FASTK: variants seen among roughly 807,000 people sequenced by gnomAD.
The protein encoded by FASTK is fas-activated serine/threonine kinase.
Under a neutral mutation model 60.0 loss-of-function variants are expected in FASTK, and 28 were observed. That is an observed-to-expected ratio of 0.47 (90% CI 0.35 to 0.64). The LOEUF (loss-of-function observed/expected upper bound fraction) is 0.64. FASTK is among the 30% of genes least tolerant of loss of function. The pLI is 0.01. For missense variants in FASTK, 595 were observed against 713.8 expected, an observed-to-expected ratio of 0.83 and a Z score of 1.90; for synonymous variants, 325 against 307.9, an observed-to-expected ratio of 1.06 and a Z score of -0.58.
intron 2 of FASTK, 128 bp downstream of exon 2, chr7:151,079,372 G>C: frequency 2.2e-6 from 2 of 897,768 alleles, no homozygotes; most frequent in Non-Finnish European, 3.3e-6. Flanking sequence ...GACATAGGAC[G>C]GGAGCAGGAG....
At chr7:151,080,247 G>A in intron 1 of FASTK, 1 of 379,788 alleles carries the variant, frequency 2.6e-6, no homozygotes, top group Non-Finnish European at 4.7e-6. Context: ...CCAGAGCAGC[G>A]AAGGGGTTAA....
rs1021826533 is a variant in FASTK, at chr7:151,079,169, T to C, written c.506-148A>G. On this transcript the variant is annotated intron_variant, in intron 2 of 9. Coordinates refer to ENST00000297532, the MANE Select transcript of FASTK (RefSeq NM_006712.5). ...AGTTTAAGTGCAAACACTAGAGACATGTAAAGTATCATGTGGCTATGAGGT... is the reference window on the plus strand; with the variant it reads ...AGTTTAAGTGCAAACACTAGAGACACGTAAAGTATCATGTGGCTATGAGGT... 24 of 690,228 alleles carry C rather than the reference T, an allele frequency of 3.5e-5. No homozygotes were observed. In the East Asian group the frequency reaches 5.5e-4, roughly 16 times the overall value. 42.8% of individuals were successfully genotyped at this position (690,228 alleles called of 1,614,324 possible).
At chr7:151,079,341 C>T in intron 2 of FASTK, 159 bp downstream of exon 2, 1 of 732,318 alleles carries the variant, frequency 1.4e-6, no homozygotes, top group Non-Finnish European at 2.2e-6. Context: ...GGAGTGCGTT[C>T]GACTCATGAT....
Position 151,079,911 on chromosome 7 carries a change from G to A in FASTK, c.94C>T (p.Pro32Ser). The A allele has an allele frequency of 6.3e-7, 1 of 1,588,754 alleles. No homozygotes were observed. Among genetic ancestry groups the A allele is most frequent in the South Asian group, 1.1e-5 (1 of 88,824 alleles). ...AGCAGGACTCGAAGCATGGAGTTGGGTGATGGAGACCCTGAGGGGCAGCCC... is the reference window on the plus strand; with the variant it reads ...AGCAGGACTCGAAGCATGGAGTTGGATGATGGAGACCCTGAGGGGCAGCCC... Reference protein sequence around the residue: ...AGPGESWSPSPNSMLRVLLSA... With the variant: ...AGPGESWSPSSNSMLRVLLSA... The change falls in exon 2 of 10, where the codon CCC (proline) becomes TCC (serine). Residue 32 changes from proline to serine, a missense_variant. Transcript: ENST00000297532.
chr7:151,077,023 C>A lies in FASTK; in HGVS notation c.1432G>T (p.Val478Leu). The A allele has an allele frequency of 6.2e-7, 1 of 1,612,758 alleles. No individual in the cohort carries two copies. Among genetic ancestry groups the A allele is most frequent in the South Asian group, 1.1e-5 (1 of 91,040 alleles). Residue 478 changes from valine to leucine, a missense_variant, in exon 9 of 10, where the codon GTG becomes TTG. Val to Leu is a conservative substitution (Grantham distance 32). Coordinates refer to ENST00000297532, the MANE Select transcript of FASTK (RefSeq NM_006712.5). Reference sequence around the variant, plus strand: ...TGCCAGCGTTCCCGCAACACCAGCACCACCCTGCAGGGGGAGGGACGTGGC... The same window carrying A: ...TGCCAGCGTTCCCGCAACACCAGCAACACCCTGCAGGGGGAGGGACGTGGC... ...ATTRDPAQRV[V>L]LVLRERWHFC...
chr7:151,076,669 A>G lies in FASTK; in HGVS notation c.*56T>C. 1 of 1,151,592 alleles carries G rather than the reference A, an allele frequency of 8.7e-7. No individual in the cohort carries two copies. The highest frequency in any genetic ancestry group is 1.2e-6 in the Non-Finnish European group (1 of 820,718). 71.3% of individuals were successfully genotyped at this position (1,151,592 alleles called of 1,614,324 possible). A position where few individuals can be genotyped will look rare whatever the true frequency, so the allele number is the denominator to read the frequency against. On this transcript the variant is annotated 3_prime_UTR_variant, in exon 10 of 10. Transcript: ENST00000297532. ...TGAGAAATCAAAACACAGGGAACCA[A>G]AGTGCAAATCATCCACCCCCCATGG...
chr7:151,079,394 G>T, intron 2 of FASTK, 106 bp downstream of exon 2: 2 of 1,158,336 alleles, frequency 1.7e-6, no homozygotes, highest in Non-Finnish European at 2.4e-6. Context: ...AAGCGTTCCT[G>T]GGCAAACGCC....
In FASTK at chr7:151,078,861, A is replaced by C. The variant is rs186583451; in HGVS notation, c.666T>G (p.His222Gln). The C allele has an allele frequency of 1.2e-3, 1,861 of 1,608,070 alleles. 12 individuals carry two copies. The highest frequency in any genetic ancestry group is 7.4e-3 in the East Asian group (332 of 44,800). ...CPRFLRYPRQ[H>Q]LISSLAEARP... ...CAGCACCTGCCAGGCTGCTGATCAG[A>C]TGCTGCCGTGGATACCGCAGAAAAC... The change falls in exon 3 of 10, where the codon CAT (histidine) becomes CAG (glutamine). Residue 222 changes from histidine to glutamine, a missense_variant. His to Gln is a conservative substitution (Grantham distance 24). Around this residue, in one of 2 missense-constraint regions of FASTK, gnomAD observed 471 missense variants for 605.9 expected, o/e 0.78. Transcript: ENST00000297532.
chr7:151,077,156 A>C lies in FASTK; in HGVS notation c.1372T>G (p.Ser458Ala), dbSNP rs1461381892. 1 of 1,613,126 alleles carries C rather than the reference A, an allele frequency of 6.2e-7. No homozygotes were observed. The highest frequency in any genetic ancestry group is 8.5e-7 in the Non-Finnish European group (1 of 1,179,690). The change falls in exon 8 of 10, where the codon TCC becomes GCC. Residue 458 changes from serine to alanine, a missense_variant. Transcript: ENST00000297532. Reference sequence around the variant, plus strand: ...GAGGCAGCCTGGCCCTGTGGGCAGGACCTTGGTGGGTATGGCAGGAAGGGG... The same window carrying C: ...GAGGCAGCCTGGCCCTGTGGGCAGGCCCTTGGTGGGTATGGCAGGAAGGGG... ...QDPFLPYPPR[S>A]CPQGQAASSA... is the part of the protein sequence containing the mutation.
chr7:151,079,675 G>A lies in FASTK; in HGVS notation c.330C>T (p.Arg110=), dbSNP rs754353326. The change falls in exon 2 of 10, where the codon CGC becomes CGT. Residue 110 remains arginine (R), a synonymous_variant. Transcript: ENST00000297532. ...RWLGQNPSKV[R]AHHYSVALRR... is the part of the protein sequence containing the mutation. ...GAAGCGCCACCGAGTAGTGGTGGGC[G>A]CGCACCTTGCTGGGGTTCTGGCCCA... 7.5e-6 allele frequency: 12 copies of A among 1,610,282 alleles called. No individual in the cohort carries two copies. The highest frequency in any genetic ancestry group is 1.7e-5 in the Admixed American group (1 of 59,576).
chr7:151,079,108 C>T (rs1216383698), intron 2 of FASTK, 87 bp from the exon 3 acceptor site: 17 of 1,220,652 alleles, frequency 1.4e-5, no homozygotes, highest in Non-Finnish European at 1.8e-5. Context: ...CTCCACCTTT[C>T]TCCTCTCCCG....
chr7:151,080,660 C>A, intron 1 of FASTK, 25 bp downstream of exon 1: 1 of 1,436,444 alleles, frequency 7.0e-7, no homozygotes, highest in Non-Finnish European at 9.1e-7. Context: ...CCTCCCGCAG[C>A]CCTCCCCGCA....
Position 151,080,422 on chromosome 7 carries a change from G to A in FASTK, c.82+263C>T, listed in dbSNP as rs761838583. ...CTGGACGGTGCTGGGTTCCATGCTG[G>A]GCGCTCCCACTCACCAGCGGCGTGA... On this transcript the variant is annotated intron_variant, in intron 1 of 9. Coordinates refer to ENST00000297532, the MANE Select transcript of FASTK (RefSeq NM_006712.5). The A allele has an allele frequency of 3.3e-3, 3,916 of 1,178,718 alleles. 11 individuals are homozygous for A. The highest frequency in any genetic ancestry group is 3.9e-3 in the Non-Finnish European group (3,622 of 932,152). 73.0% of individuals were successfully genotyped at this position (1,178,718 alleles called of 1,614,324 possible). A position where few individuals can be genotyped will look rare whatever the true frequency, so the allele number is the denominator to read the frequency against.
chr7:151,079,335 T>C, intron 2 of FASTK, 165 bp downstream of exon 2: 3 of 692,062 alleles, frequency 4.3e-6, no homozygotes, highest in South Asian at 4.4e-5. Context: ...CCGGAAGGAG[T>C]GCGTTCGACT....
At chr7:151,078,769 C>T in intron 3 of FASTK, 68 bp from the exon 4 acceptor site, 1 of 1,610,088 alleles carries the variant, frequency 6.2e-7, no homozygotes, top group Non-Finnish European at 8.5e-7. Context: ...CACCTCAGCC[C>T]AGCCAACTGA....
rs1378621378 is a variant in FASTK at position 151,080,052 on chromosome 7, T to A, written c.83-130A>T. 4 of 755,192 alleles carry A rather than the reference T, an allele frequency of 5.3e-6. No homozygotes were observed. The Admixed American group carries it at 1.2e-4, about 23-fold the overall frequency. The allele number at this position is 755,192 out of a possible 1,614,324, so 46.8% of individuals were successfully genotyped here. On this transcript the variant is annotated intron_variant, in intron 1 of 9. Coordinates refer to ENST00000297532, the MANE Select transcript of FASTK (RefSeq NM_006712.5). ...CAAGCCTTTGTGACTGCTCTGGGCC[T>A]CTTCCCCACCCCGCCCCTCTGCCTC...
In FASTK at chr7:151,077,247, G is replaced by A. The variant is rs1370000061; in HGVS notation, c.1292-11C>T. 7.4e-6 allele frequency: 12 copies of A among 1,612,176 alleles called. No homozygotes were observed. The highest frequency in any genetic ancestry group is 1.0e-5 in the Non-Finnish European group (12 of 1,179,342). On this transcript the variant is annotated splice_polypyrimidine_tract_variant and intron_variant, in intron 7 of 9. Coordinates refer to ENST00000297532, the MANE Select transcript of FASTK (RefSeq NM_006712.5). ...CGCACAGCAGGAAGTCTGGAGGGGA[G>A]CAGGGCCGGCGGCCTTAGCCAGGGC...
rs768536789 is a variant in FASTK at position 151,076,747 on chromosome 7, C to T, written c.1628G>A (p.Arg543His). Residue 543 changes from arginine to histidine, a missense_variant, in exon 10 of 10, where the codon CGC becomes CAC. By Grantham distance (29) the Arg-to-His change is conservative (BLOSUM62 0). Coordinates refer to ENST00000297532, the MANE Select transcript of FASTK (RefSeq NM_006712.5). ...LRQKLQALGLRWGPEGG is the reference protein window; with the variant it reads ...LRQKLQALGLHWGPEGG ...CCCTCAGCCCCCTTCAGGCCCCCAG[C>T]GCAGGCCCAGGGCCTGGAGCTTCTG... 15 of 1,605,602 alleles carry T rather than the reference C, an allele frequency of 9.3e-6. No homozygotes were observed. The East Asian group carries it at 1.3e-4, about 14-fold the overall frequency.
intron 1 of FASTK, 115 bp downstream of exon 1, chr7:151,080,570 A>G: frequency 7.6e-7 from 1 of 1,318,648 alleles, no homozygotes; most frequent in Non-Finnish European, 9.6e-7. Context: ...GAGTCGGCGA[A>G]GTCGGGGGCC....
Sources: allele counts gnomAD v4.1 joint callset, GRCh38; gene constraint gnomAD v4.1.1; regional missense constraint gnomAD v4.1.1; transcripts MANE v1.5; gene names NCBI Gene and HGNC (gene_info 2026-07-23, HGNC 2026-07-21).